NELL1: variants seen among roughly 807,000 people sequenced by gnomAD.
NELL1 encodes the protein protein kinase C-binding protein NELL1.
NELL1 carries 76 observed loss-of-function variants against 107.4 expected under a neutral mutation model. That is an observed-to-expected ratio of 0.71 (90% CI 0.59 to 0.86). The LOEUF is 0.86. NELL1 is among the 40% of genes least tolerant of loss of function. The pLI, the probability that NELL1 is intolerant of heterozygous loss-of-function variation, is 0.00. For missense variants in NELL1, 1,024 were observed against 1,005.5 expected (o/e 1.02, Z -0.25); for synonymous variants, 353 against 341.2 (o/e 1.03, Z -0.38).
intron 14 of NELL1, among the ~76,000 whole-genome samples, chr11:21,303,899 T>C (rs1849551560): frequency 6.6e-6 from 1 of 151,980 alleles, no homozygotes; most frequent in Non-Finnish European, 1.5e-5. Flanking sequence ...CTGAGTCCAC[T>C]GGAGGGGATA....
intron 12 of NELL1, among the ~76,000 whole-genome samples, chr11:20,985,444 T>C (rs997637952): frequency 6.6e-6 from 1 of 152,180 alleles, no homozygotes; most frequent in African/African-American, 2.4e-5. Context: ...AGAAATGATA[T>C]ACAGTTATGG....
intron 4 of NELL1, among the ~76,000 whole-genome samples, chr11:20,849,437 C>A (rs1024985919): frequency 1.3e-5 from 2 of 152,144 alleles, no homozygotes; most frequent in African/African-American, 4.8e-5. Flanking sequence ...AGCTCTTTGA[C>A]CCTGCCTTCA....
rs529505261 is a variant in NELL1, at chr11:20,814,584, A to T, written c.335+30754A>T. ...CTATTCTTGTGTTAATTCACTTAGG[A>T]TAACGTCCTTCAGCTACGTCCATGT... On this transcript the variant is annotated intron_variant, in intron 3 of 19. Coordinates refer to ENST00000357134, the MANE Select transcript of NELL1 (RefSeq NM_006157.5). 2.0e-5 allele frequency among the ~76,000 whole-genome samples: 3 copies of T among 152,348 alleles called. No individual in the cohort carries two copies. In the South Asian group the frequency reaches 6.2e-4, roughly 32 times the overall value.
intron 2 of NELL1, among the ~76,000 whole-genome samples, chr11:20,736,467 C>T (rs896230925): frequency 6.6e-6 from 1 of 151,992 alleles, no homozygotes; most frequent in African/African-American, 2.4e-5. Context: ...AAGCTGGCCC[C>T]TGTCATCATG....
chr11:21,354,144 A>G (rs757782266), intron 14 of NELL1, among the ~76,000 whole-genome samples: 4 of 152,178 alleles, frequency 2.6e-5, no homozygotes, highest in Non-Finnish European at 5.9e-5. Flanking sequence ...ACATAGCTAG[A>G]AAATGGCATA....
At chr11:21,054,239 A>T (rs931697293) in intron 12 of NELL1, among the ~76,000 whole-genome samples, 1 of 152,056 alleles carries the variant, frequency 6.6e-6, no homozygotes, top group African/African-American at 2.4e-5. Context: ...CAAAGTTAGG[A>T]TAACAGTGTA....
intron 12 of NELL1, among the ~76,000 whole-genome samples, chr11:20,987,945 T>C (rs1470828929): frequency 1.3e-5 from 2 of 152,194 alleles, no homozygotes; most frequent in East Asian, 3.9e-4. Flanking sequence ...CCGTGATATA[T>C]TGATTCCTAG....
chr11:21,542,330 C>CT (rs1231792590), intron 16 of NELL1, among the ~76,000 whole-genome samples: 1 of 151,962 alleles, frequency 6.6e-6, no homozygotes, highest in Non-Finnish European at 1.5e-5. Flanking sequence ...CACTGCACTG[C>CT]TTTCTGGAAG....
intron 12 of NELL1, among the ~76,000 whole-genome samples, chr11:21,070,554 T>G (rs535541254): frequency 4.6e-5 from 7 of 152,278 alleles, no homozygotes; most frequent in African/African-American, 1.7e-4. Flanking sequence ...AACAATATTT[T>G]TCCTAATTTG....
Position 21,474,977 on chromosome 11 carries a change from G to C in NELL1, c.1646-59397G>C, listed in dbSNP as rs372559265. Among the ~76,000 whole-genome samples, 6 of 152,142 alleles carry C rather than the reference G, an allele frequency of 3.9e-5. 1 individual carries two copies. Among genetic ancestry groups the C allele is most frequent in the African/African-American group, 1.4e-4 (6 of 41,532 alleles). On this transcript the variant is annotated intron_variant, in intron 15 of 19. Transcript: ENST00000357134. ...GTTCAATGCGTATCAGAACTGGAAGGCATCTTAGAGAGAGACCCAGAGTGG... is the reference window on the plus strand; with the variant it reads ...GTTCAATGCGTATCAGAACTGGAAGCCATCTTAGAGAGAGACCCAGAGTGG...
chr11:20,938,576 T>G (rs1590438546), intron 10 of NELL1, among the ~76,000 whole-genome samples: 1 of 152,126 alleles, frequency 6.6e-6, no homozygotes, highest in Non-Finnish European at 1.5e-5. Context: ...TGTAATTTTG[T>G]TCCAAAATTA....
chr11:21,362,054 G>C (rs146265871), intron 14 of NELL1, among the ~76,000 whole-genome samples: 121 of 152,274 alleles, frequency 7.9e-4, no homozygotes, highest in African/African-American at 2.9e-3. Context: ...GAGTGTTGTA[G>C]AGCCCTGTTT....
chr11:21,096,287 T>A (rs1359001849), intron 12 of NELL1, among the ~76,000 whole-genome samples: 1 of 152,142 alleles, frequency 6.6e-6, no homozygotes, highest in East Asian at 1.9e-4. Flanking sequence ...TATTGCATTG[T>A]AAAAAAACGT....
At chr11:20,725,775 C>T (rs1029205457) in intron 2 of NELL1, among the ~76,000 whole-genome samples, 4 of 152,128 alleles carry the variant, frequency 2.6e-5, no homozygotes, top group African/African-American at 9.7e-5. Flanking sequence ...ATTTTAGATT[C>T]AGGGGGTCCA....
intron 4 of NELL1, among the ~76,000 whole-genome samples, chr11:20,862,465 C>T (rs1004608343): frequency 6.6e-6 from 1 of 152,126 alleles, no homozygotes; most frequent in African/African-American, 2.4e-5. Context: ...ATTATTACCA[C>T]CCAAAGTCCA....
At chr11:21,284,567 A>T (rs4151054) in intron 14 of NELL1, 4 of 454,782 alleles carry the variant, frequency 8.8e-6, no homozygotes, top group Non-Finnish European at 1.8e-5. Flanking sequence ...CAATGCAGTG[A>T]GTATCCCAGC....
intron 14 of NELL1, among the ~76,000 whole-genome samples, chr11:21,362,598 T>TA (rs1851102649): frequency 6.7e-6 from 1 of 150,114 alleles, no homozygotes; most frequent in Admixed American, 6.7e-5. Context: ...CCTGAATTGC[T>TA]ATAATGGAGT....
chr11:20,704,987 A>G (rs1854903874), intron 2 of NELL1, among the ~76,000 whole-genome samples: 1 of 152,174 alleles, frequency 6.6e-6, no homozygotes, highest in Non-Finnish European at 1.5e-5. Flanking sequence ...GGAGAACTAC[A>G]AACCACTGCT....
At chr11:21,105,776 C>T (rs1459592399) in intron 12 of NELL1, among the ~76,000 whole-genome samples, 1 of 116,718 alleles carries the variant, frequency 8.6e-6, no homozygotes. Context: ...ATTACCTCTC[C>T]CCTCCCCTCC....
Sources: allele counts gnomAD v4.1 joint callset (sites outside exome capture counted in the v4.1 genomes callset), GRCh38; gene constraint gnomAD v4.1.1; transcripts MANE v1.5; gene names NCBI Gene and HGNC (gene_info 2026-07-23, HGNC 2026-07-21).